The following FBLIM1 variants were observed in gnomAD, a reference collection of about 807,000 sequenced individuals.
The protein encoded by FBLIM1 is filamin binding LIM protein 1, also known as filamin-binding LIM protein 1.
FBLIM1 carries 29 observed loss-of-function variants against 37.4 expected under a neutral mutation model. The ratio of observed to expected loss-of-function variants is 0.77; its 90% CI spans 0.58 to 1.06. The LOEUF is 1.06. FBLIM1 is among the 50% of genes least tolerant of loss of function. The pLI is 0.00. For synonymous variants in FBLIM1, 193 were observed against 199.0 expected (o/e 0.97, Z 0.25); for missense variants, 449 against 505.6 (o/e 0.89, Z 1.07).
intron 8 of FBLIM1, among the ~76,000 whole-genome samples, chr1:15,781,863 C>G (rs1336345417): frequency 7.3e-6 from 1 of 137,722 alleles, no homozygotes; most frequent in Non-Finnish European, 1.6e-5. Context: ...GGACCACAGG[C>G]GCCTGCCACC....
chr1:15,772,679 C>A (rs1442924773), intron 6 of FBLIM1, among the ~76,000 whole-genome samples: 3 of 152,092 alleles, frequency 2.0e-5, no homozygotes. Flanking sequence ...ACCAGCCAGG[C>A]GCGGTGGCTC....
rs2148670677 is a variant in FBLIM1, at chr1:15,784,803, G to A, written c.*142G>A. On this transcript the variant is annotated 3_prime_UTR_variant, in exon 9 of 9. Coordinates refer to ENST00000375766, the MANE Select transcript of FBLIM1 (RefSeq NM_017556.4). The stretch of plus-strand genomic sequence containing the variant: ...CCTGCAAGCCGGCCCAGCCTGTCCA[G>A]GATACAGTGGGGCTGAGCACCCCCA... 2 of 650,288 alleles carry A rather than the reference G, an allele frequency of 3.1e-6. No homozygotes were observed. Among genetic ancestry groups the A allele is most frequent in the East Asian group, 5.5e-5 (2 of 36,180 alleles). The allele number at this position is 650,288 out of a possible 1,614,324, so 40.3% of individuals were successfully genotyped here.
chr1:15,783,668 C>T (rs958022316), intron 8 of FBLIM1, among the ~76,000 whole-genome samples: 17 of 150,840 alleles, frequency 1.1e-4, no homozygotes, highest in African/African-American at 1.7e-4. Flanking sequence ...CTCTGCCTCC[C>T]GGGTTCACGC....
At position 15,786,514 on chromosome 1, in the gene FBLIM1, C is replaced by T. The variant is rs1241973864; in HGVS notation, c.*1853C>T. ...TTTAGCCTCGTGCTGAGCCGTGTATCCATGCAGTCATGTTCACGTGCTAGT... is the reference window on the plus strand; with the variant it reads ...TTTAGCCTCGTGCTGAGCCGTGTATTCATGCAGTCATGTTCACGTGCTAGT... On this transcript the variant is annotated 3_prime_UTR_variant, in exon 9 of 9. Transcript: ENST00000375766. 2 of 152,278 alleles carry T rather than the reference C, an allele frequency of 1.3e-5. No individual in the cohort carries two copies. Among genetic ancestry groups the T allele is most frequent in the Non-Finnish European group, 2.9e-5 (2 of 68,060 alleles). The allele number at this position is 152,278 out of a possible 1,614,324, so 9.4% of individuals were successfully genotyped here. A position where few individuals can be genotyped will look rare whatever the true frequency, so the allele number is the denominator to read the frequency against.
chr1:15,783,861 C>A (rs528741645), intron 8 of FBLIM1, among the ~76,000 whole-genome samples: 2 of 152,110 alleles, frequency 1.3e-5, no homozygotes, highest in East Asian at 3.9e-4. Context: ...GGATTATAGG[C>A]GTGAACCACC....
At chr1:15,774,371 C>T (rs775257000) in intron 6 of FBLIM1, among the ~76,000 whole-genome samples, 4 of 152,206 alleles carry the variant, frequency 2.6e-5, no homozygotes, top group Non-Finnish European at 5.9e-5. Flanking sequence ...ATCCCAGTAA[C>T]AAGAAATGCA....
intron 6 of FBLIM1, among the ~76,000 whole-genome samples, chr1:15,772,270 C>T (rs937188994): frequency 6.6e-6 from 1 of 152,206 alleles, no homozygotes; most frequent in Non-Finnish European, 1.5e-5. Context: ...GGCTCACCAC[C>T]AGTGAGGCAC....
At position 15,784,249 on chromosome 1, in the gene FBLIM1, C is replaced by G. The variant is rs2069719880; in HGVS notation, c.1009-299C>G. ...GCTATTAAGACTCTTCTAGCCCCAA[C>G]TTTCCCTGAACCCTCAGGGGACTTC... On this transcript the variant is annotated intron_variant, in intron 8 of 8. Transcript: ENST00000375766. Among the ~76,000 whole-genome samples the G allele has an allele frequency of 2.6e-5, 4 of 152,202 alleles. No individual in the cohort carries two copies. In the South Asian group the frequency reaches 8.3e-4, roughly 32 times the overall value.
intron 8 of FBLIM1, among the ~76,000 whole-genome samples, chr1:15,783,747 T>C (rs936951199): frequency 6.6e-6 from 1 of 151,666 alleles, no homozygotes; most frequent in Admixed American, 6.6e-5. Flanking sequence ...CACGCCCGGC[T>C]AGTTTTTTGT....
chr1:15,781,788 G>C (rs551746096), intron 8 of FBLIM1, among the ~76,000 whole-genome samples: 86 of 139,066 alleles, frequency 6.2e-4, no homozygotes, highest in Middle Eastern at 4.5e-3. Context: ...GTGCAATCTC[G>C]GCTCACTGCA....
intron 7 of FBLIM1, chr1:15,776,926 T>G: frequency 4.5e-6 from 2 of 441,270 alleles, no homozygotes; most frequent in East Asian, 3.5e-5. Context: ...ATGAGATGGG[T>G]CCCAGCCCCA....
rs1299285013 is a variant in FBLIM1 at position 15,774,681 on chromosome 1, G to A, written c.775G>A (p.Gly259Ser). 1.2e-6 allele frequency: 2 copies of A among 1,614,162 alleles called. No homozygotes were observed. Among genetic ancestry groups the A allele is most frequent in the Non-Finnish European group, 1.7e-6 (2 of 1,180,030 alleles). ...CCGGGACCACATCATCAGGGCCCTG[G>A]GCCAGGCCTTCCACCCCTCCTGCTT... is the stretch of plus-strand genomic sequence containing the variant. ...VVRDHIIRAL[G>S]QAFHPSCFTC... Residue 259 changes from glycine to serine, a missense_variant, in exon 7 of 9, where the codon GGC (glycine) becomes AGC (serine). Transcript: ENST00000375766.
chr1:15,763,458 C>A (rs915931293), intron 1 of FBLIM1, among the ~76,000 whole-genome samples: 1 of 150,798 alleles, frequency 6.6e-6, no homozygotes, highest in African/African-American at 2.4e-5. Context: ...TGGTGAAACC[C>A]CATCACTACT....
intron 8 of FBLIM1, among the ~76,000 whole-genome samples, chr1:15,783,554 C>T (rs1055546217): frequency 4.1e-5 from 6 of 147,064 alleles, no homozygotes; most frequent in East Asian, 4.0e-4. Flanking sequence ...GTTCCTGTCT[C>T]GTAGAACTTA....
chr1:15,784,764 T>A lies in FBLIM1; in HGVS notation c.*103T>A. On this transcript the variant is annotated 3_prime_UTR_variant, in exon 9 of 9. Transcript: ENST00000375766. The stretch of plus-strand genomic sequence containing the variant: ...CTCTTGCACACTTTCCTTCTGAGCC[T>A]CCATGGAGACCAGCCTGCAAGCCGG... The A allele has an allele frequency of 9.7e-7, 1 of 1,025,752 alleles. No individual in the cohort carries two copies. 63.5% of individuals were successfully genotyped at this position (1,025,752 alleles called of 1,614,324 possible). A position where few individuals can be genotyped will look rare whatever the true frequency, so the allele number is the denominator to read the frequency against.
chr1:15,756,854 C>A (rs1475782315), upstream of FBLIM1: 1 of 152,300 alleles, frequency 6.6e-6, no homozygotes, highest in African/African-American at 2.4e-5. Context: ...CTCTTCGTTG[C>A]CTCACTATCC....
chr1:15,780,203 A>T (rs1055228734), intron 8 of FBLIM1, among the ~76,000 whole-genome samples: 4 of 148,958 alleles, frequency 2.7e-5, no homozygotes, highest in African/African-American at 4.9e-5. Flanking sequence ...AAATTCTTAA[A>T]TTTTTTTTTT....
At chr1:15,760,117 G>A (rs924748656) in intron 1 of FBLIM1, among the ~76,000 whole-genome samples, 1 of 150,820 alleles carries the variant, frequency 6.6e-6, no homozygotes, top group Admixed American at 6.6e-5. Context: ...CCAGCTATTC[G>A]GCGGCTGAGG....
chr1:15,760,533 A>G (rs1284286080), intron 1 of FBLIM1, among the ~76,000 whole-genome samples: 1 of 16,008 alleles, frequency 6.2e-5, no homozygotes, highest in African/African-American at 1.1e-4. Flanking sequence ...CTGTCTCAGA[A>G]AAAAAAAAAA....
Sources: allele counts gnomAD v4.1 joint callset (sites outside exome capture counted in the v4.1 genomes callset), GRCh38; gene constraint gnomAD v4.1.1; transcripts MANE v1.5; gene names NCBI Gene and HGNC (gene_info 2026-07-23, HGNC 2026-07-21).